Variants in USP3 observed in about 807,000 individuals in gnomAD.
The protein encoded by USP3 is ubiquitin carboxyl-terminal hydrolase 3.
Under a neutral mutation model 72.3 loss-of-function variants are expected in USP3, and 20 were observed. That is an observed-to-expected ratio of 0.28 (90% CI 0.19 to 0.40). The LOEUF is 0.40. Among genes scored for constraint, USP3 ranks in the 10% least tolerant of loss-of-function variants. The pLI is 1.00. For missense variants in USP3, 479 were observed against 633.9 expected (o/e 0.76, Z 2.62); for synonymous variants, 222 against 225.3 (o/e 0.99, Z 0.13).
intron 3 of USP3, among the ~76,000 whole-genome samples, chr15:63,540,442 A>C (rs1029543212): frequency 6.6e-6 from 1 of 152,218 alleles, no homozygotes; most frequent in African/African-American, 2.4e-5. Context: ...TCTGGTGCAG[A>C]GTAGGTGACA....
At position 63,574,898 on chromosome 15, in the gene USP3, G is replaced by A. The variant is rs2152679310; in HGVS notation, c.1096+495G>A. Among the ~76,000 whole-genome samples the A allele has an allele frequency of 6.6e-6, 1 of 152,242 alleles. No homozygotes were observed. Among genetic ancestry groups the A allele is most frequent in the East Asian group, 1.9e-4 (1 of 5,190 alleles). On this transcript the variant is annotated intron_variant, in intron 11 of 14. Coordinates refer to ENST00000380324, the MANE Select transcript of USP3 (RefSeq NM_006537.4). The surrounding 1 kb of genome is among the most constrained non-coding windows in gnomAD (Gnocchi z 4.6). ...GGAGATTTGAACATATTTTTTGCTT[G>A]ATGAGTACTAGCTACTGTAATCAAG...
At position 63,505,393 on chromosome 15, in the gene USP3, G is replaced by A. The variant is rs567693125; in HGVS notation, c.91+563G>A. On this transcript the variant is annotated intron_variant, in intron 1 of 14. Transcript: ENST00000380324. ...GCAGGCTCGGGCACCTCGAAACCCC[G>A]AGAGGCGCTGGGAGCTCGGGCGGCG... Among the ~76,000 whole-genome samples, 5 of 152,350 alleles carry A rather than the reference G, an allele frequency of 3.3e-5. No individual in the cohort carries two copies. The East Asian group carries it at 9.7e-4, about 29-fold the overall frequency.
At chr15:63,559,096 C>A (rs1033958285) in intron 6 of USP3, among the ~76,000 whole-genome samples, 2 of 151,910 alleles carry the variant, frequency 1.3e-5, no homozygotes, top group East Asian at 3.9e-4. Context: ...AAAAATCAGA[C>A]GTTGGTGATG....
chr15:63,578,748 G>A (rs2066907839), intron 11 of USP3, among the ~76,000 whole-genome samples: 1 of 152,160 alleles, frequency 6.6e-6, no homozygotes, highest in Admixed American at 6.5e-5. Context: ...TAAGCCAGGA[G>A]GCCTACTGAA....
At chr15:63,510,720 A>G (rs2065769325) in intron 1 of USP3, among the ~76,000 whole-genome samples, 1 of 152,136 alleles carries the variant, frequency 6.6e-6, no homozygotes, top group Non-Finnish European at 1.5e-5. Flanking sequence ...ACCTTGATTG[A>G]CAGTTTAGAA....
intron 1 of USP3, among the ~76,000 whole-genome samples, chr15:63,532,287 A>G (rs769779330): frequency 1.3e-4 from 20 of 152,344 alleles, no homozygotes; most frequent in Admixed American, 4.6e-4. Flanking sequence ...ACATGTGATT[A>G]AATGACTAGA....
chr15:63,559,492 T>G (rs1372070360), intron 6 of USP3, among the ~76,000 whole-genome samples: 1 of 152,214 alleles, frequency 6.6e-6, no homozygotes, highest in African/African-American at 2.4e-5. Flanking sequence ...AATAATATGG[T>G]CGGTTTCATG....
chr15:63,581,476 G>A (rs1436154571), intron 11 of USP3, among the ~76,000 whole-genome samples: 3 of 149,302 alleles, frequency 2.0e-5, no homozygotes, highest in South Asian at 2.1e-4. Flanking sequence ...CTCTGCCTCC[G>A]GGTTCAAGCG....
chr15:63,552,437 C>T (rs1001138339), intron 3 of USP3, among the ~76,000 whole-genome samples: 16 of 152,110 alleles, frequency 1.1e-4, no homozygotes, highest in African/African-American at 3.6e-4. Flanking sequence ...AGAATTTTTT[C>T]TCCTGCTGGT....
Position 63,588,274 on chromosome 15 carries a change from G to A in USP3, c.1097-31G>A, listed in dbSNP as rs760059365. Reference sequence around the variant, plus strand: ...ACATTGCCTCTACAAAAGGCATCTTGTTTTAATGCTGCCAAAATCAATTTG... The same window carrying A: ...ACATTGCCTCTACAAAAGGCATCTTATTTTAATGCTGCCAAAATCAATTTG... On this transcript the variant is annotated intron_variant, in intron 11 of 14. Coordinates refer to ENST00000380324, the MANE Select transcript of USP3 (RefSeq NM_006537.4). This position sits in a 1 kb window ranked among gnomAD's most constrained non-coding sequence, Gnocchi z 4.6. 1 of 1,544,074 alleles carries A rather than the reference G, an allele frequency of 6.5e-7. No individual in the cohort carries two copies. The highest frequency in any genetic ancestry group is 1.2e-5 in the South Asian group (1 of 82,902).
Position 63,570,600 on chromosome 15 carries a change from G to T in USP3, c.908+21G>T. ...TGCATGTAAGATTTAGTTGCCTTCT[G>T]TTTTTTAGGAGGGCCTCAGACATTT... On this transcript the variant is annotated intron_variant, in intron 9 of 14. Transcript: ENST00000380324. This position sits in a 1 kb window ranked among gnomAD's most constrained non-coding sequence, Gnocchi z 4.4. The T allele has an allele frequency of 6.3e-7, 1 of 1,593,866 alleles. No homozygotes were observed. Among genetic ancestry groups the T allele is most frequent in the Non-Finnish European group, 8.5e-7 (1 of 1,169,890 alleles).
At chr15:63,559,307 A>AT (rs1450879863) in intron 6 of USP3, among the ~76,000 whole-genome samples, 14 of 152,368 alleles carry the variant, frequency 9.2e-5, no homozygotes, top group African/African-American at 3.1e-4. Flanking sequence ...TTAGATTTTA[A>AT]TGAGACATCA....
chr15:63,563,135 CTTTT>C (rs920679046), intron 8 of USP3, 127 bp downstream of exon 8: 5 of 605,732 alleles, frequency 8.3e-6, no homozygotes, highest in African/African-American at 3.8e-5. Context: ...GTGTTTTTTT[CTTTT>C]TAAGAAGAAG....
chr15:63,516,671 C>T (rs1462532149), intron 1 of USP3, among the ~76,000 whole-genome samples: 1 of 152,006 alleles, frequency 6.6e-6, no homozygotes, highest in Non-Finnish European at 1.5e-5. Context: ...AACCTGATGC[C>T]TTCCTGATTT....
chr15:63,572,882 T>C (rs1303763010), intron 9 of USP3, among the ~76,000 whole-genome samples: 1 of 152,252 alleles, frequency 6.6e-6, no homozygotes, highest in African/African-American at 2.4e-5. Context: ...ACCAGCAGTA[T>C]GACCTTGGAC....
intron 3 of USP3, among the ~76,000 whole-genome samples, chr15:63,538,855 T>C (rs182751448): frequency 6.6e-6 from 1 of 152,312 alleles, no homozygotes; most frequent in Non-Finnish European, 1.5e-5. Context: ...ATTTTGGCTA[T>C]TGAATAGACA....
chr15:63,581,343 TTTTGTGTGTG>T (rs1188389053), intron 11 of USP3, among the ~76,000 whole-genome samples: 1,376 of 132,470 alleles, frequency 0.01, 23 homozygotes, highest in African/African-American at 0.036. Flanking sequence ...TTGTGTTGGT[TTTTGTGTGTG>T]TGTGTGTGTG....
chr15:63,533,731 C>T, intron 2 of USP3: 1 of 542,980 alleles, frequency 1.8e-6, no homozygotes, highest in Non-Finnish European at 2.9e-6. Flanking sequence ...TTTCCATGTG[C>T]ACTTAAGAGT....
chr15:63,531,749 T>C (rs1430605898), intron 1 of USP3, among the ~76,000 whole-genome samples: 4 of 152,332 alleles, frequency 2.6e-5, no homozygotes, highest in Admixed American at 2.0e-4. Flanking sequence ...AGGTGGTTAC[T>C]ATGATCCTGT....
Sources: allele counts gnomAD v4.1 joint callset (sites outside exome capture counted in the v4.1 genomes callset), GRCh38; gene constraint gnomAD v4.1.1; non-coding constraint Gnocchi (gnomAD v3.1); transcripts MANE v1.5; gene names NCBI Gene and HGNC (gene_info 2026-07-23, HGNC 2026-07-21).